The following MYBL2 variants were observed in gnomAD, a reference collection of about 807,000 sequenced individuals.
The protein encoded by MYBL2 is myb-related protein B.
A neutral mutation model predicts 79.9 loss-of-function variants in MYBL2; 28 were observed. The ratio of observed to expected loss-of-function variants is 0.35; its 90% CI spans 0.26 to 0.48. The LOEUF is 0.48. MYBL2 is among the 20% of genes least tolerant of loss of function. MYBL2 has a pLI of 0.99. For missense variants in MYBL2, 735 were observed against 893.9 expected (o/e 0.82, Z 2.27); for synonymous variants, 378 against 361.2 (o/e 1.05, Z -0.53).
chr20:43,671,831 A>C (rs888872921), intron 1 of MYBL2, among the ~76,000 whole-genome samples: 4 of 151,738 alleles, frequency 2.6e-5, no homozygotes, highest in Admixed American at 6.6e-5. Context: ...AGCAACTTGG[A>C]AGATTGCCTT....
At chr20:43,695,219 T>G (rs1257820250) in intron 6 of MYBL2, among the ~76,000 whole-genome samples, 3 of 151,948 alleles carry the variant, frequency 2.0e-5, no homozygotes, top group African/African-American at 7.3e-5. Context: ...TTTTGTATTT[T>G]TAGTAGAGAT....
chr20:43,692,401 A>G, intron 6 of MYBL2, 82 bp downstream of exon 6: 1 of 1,548,328 alleles, frequency 6.5e-7, no homozygotes, highest in Middle Eastern at 1.7e-4. Flanking sequence ...GTCCACAGCT[A>G]TTGGTCAGTT....
chr20:43,687,242 C>T (rs111426819), intron 5 of MYBL2, among the ~76,000 whole-genome samples, 170 bp downstream of exon 5: 4 of 152,260 alleles, frequency 2.6e-5, no homozygotes, highest in African/African-American at 7.2e-5. Flanking sequence ...AGGGTGGTTC[C>T]CCAGGGAAGG....
intron 2 of MYBL2, among the ~76,000 whole-genome samples, chr20:43,679,977 C>T (rs1289055806): frequency 1.3e-5 from 2 of 151,812 alleles, no homozygotes; most frequent in Admixed American, 6.6e-5. Context: ...TCCCACCCTC[C>T]AGCCCTTGGC....
chr20:43,692,301 C>T lies in MYBL2; in HGVS notation c.645C>T (p.Ala215=). Residue 215 remains alanine, a synonymous_variant, in exon 6 of 14, where the codon GCC becomes GCT. Transcript: ENST00000217026. ...AGGACAAGGACGGCCTCCAGAGTGC[C>T]CAGCCCACGGAAGGCCAGGTGAGAC... ...ELEDKDGLQS[A]QPTEGQGSLL... 1 of 1,614,144 alleles carries T rather than the reference C, an allele frequency of 6.2e-7. No individual in the cohort carries two copies. Among genetic ancestry groups the T allele is most frequent in the East Asian group, 2.2e-5 (1 of 44,890 alleles).
intron 2 of MYBL2, among the ~76,000 whole-genome samples, chr20:43,674,512 C>T (rs536579354): frequency 4.0e-5 from 6 of 151,790 alleles, no homozygotes; most frequent in Admixed American, 2.0e-4. Context: ...CTCAGCCTCC[C>T]GAGTAGCTGG....
In MYBL2 at chr20:43,699,779, C is replaced by T. The variant is rs773968660; in HGVS notation, c.686C>T (p.Pro229Leu). The stretch of plus-strand genomic sequence containing the variant: ...CAGGGAAGTCTTCTGACCAACTGGC[C>T]CTCCGTCCCTCCTACCATAAAGGAG... ...EGQGSLLTNWPSVPPTIKEEE... is the reference protein window; with the variant it reads ...EGQGSLLTNWLSVPPTIKEEE... The change falls in exon 7 of 14, where the codon CCC (proline) becomes CTC (leucine). Residue 229 changes from proline (P) to leucine (L), a missense_variant. Around this residue, in one of 5 missense-constraint regions of MYBL2, gnomAD observed 144 missense variants for 131.9 expected, o/e 1.09. Coordinates refer to ENST00000217026, the MANE Select transcript of MYBL2 (RefSeq NM_002466.4). The T allele has an allele frequency of 6.2e-7, 1 of 1,614,088 alleles. No homozygotes were observed. The highest frequency in any genetic ancestry group is 8.5e-7 in the Non-Finnish European group (1 of 1,180,028).
chr20:43,707,595 T>C (rs1302574809), intron 9 of MYBL2, among the ~76,000 whole-genome samples: 3 of 152,194 alleles, frequency 2.0e-5, no homozygotes, highest in Non-Finnish European at 4.4e-5. Context: ...GGTTTCGCCA[T>C]ATTGGCCAGG....
chr20:43,709,504 C>CAA lies in MYBL2; in HGVS notation c.1506-459_1506-458insAA, dbSNP rs879826885. Among the ~76,000 whole-genome samples, 86 of 152,318 alleles carry CAA rather than the reference C, an allele frequency of 5.6e-4. 1 individual carries two copies. The highest frequency in any genetic ancestry group is 3.4e-3 in the Admixed American group (52 of 15,302). ...GGTTCCCTCCACGTGTCCATCACCT[C>CAA]GGTGAACTCTTGGGAGACCTGGGAA... is the stretch of plus-strand genomic sequence containing the variant. On this transcript the variant is annotated intron_variant, in intron 9 of 13. Transcript: ENST00000217026.
chr20:43,705,684 T>C (rs1987765192), intron 9 of MYBL2, among the ~76,000 whole-genome samples: 2 of 145,888 alleles, frequency 1.4e-5, no homozygotes, highest in South Asian at 4.3e-4. Context: ...ATTTATTTAT[T>C]TATTTATTTA....
chr20:43,715,426 T>A, intron 13 of MYBL2, 143 bp downstream of exon 13: 1 of 1,375,472 alleles, frequency 7.3e-7, no homozygotes, highest in Non-Finnish European at 9.8e-7. Context: ...GCCTGGGTGC[T>A]TTTCCTGCTA....
intron 1 of MYBL2, among the ~76,000 whole-genome samples, chr20:43,668,847 C>T (rs990429109): frequency 1.3e-5 from 2 of 152,048 alleles, no homozygotes; most frequent in Non-Finnish European, 2.9e-5. Context: ...ACTATGGGCA[C>T]GGGCCGCCAC....
intron 8 of MYBL2, among the ~76,000 whole-genome samples, chr20:43,703,737 G>C (rs911754896): frequency 6.6e-6 from 1 of 152,136 alleles, no homozygotes; most frequent in African/African-American, 2.4e-5. Flanking sequence ...AGGCCACCCT[G>C]TCATCACGGG....
chr20:43,687,052 C>T lies in MYBL2; in HGVS notation c.480C>T (p.Ile160=), dbSNP rs540886931. ...HKVLGNRWAE[I]AKMLPGRTDN... is the part of the protein sequence containing the mutation. ...TGCTGGGCAACCGCTGGGCCGAGATCGCCAAGATGTTGCCAGGGAGGTAAG... is the reference window on the plus strand; with the variant it reads ...TGCTGGGCAACCGCTGGGCCGAGATTGCCAAGATGTTGCCAGGGAGGTAAG... The change falls in exon 5 of 14, where the codon ATC becomes ATT. Residue 160 remains isoleucine, a synonymous_variant. Transcript: ENST00000217026. The T allele has an allele frequency of 3.1e-5, 50 of 1,613,028 alleles. No individual in the cohort carries two copies. The highest frequency in any genetic ancestry group is 2.9e-4 in the East Asian group (13 of 44,866).
intron 5 of MYBL2, among the ~76,000 whole-genome samples, chr20:43,691,187 C>T (rs1600552700): frequency 1.3e-5 from 2 of 152,220 alleles, no homozygotes; most frequent in African/African-American, 2.4e-5. Context: ...CTGAGGTCAG[C>T]GTGAGACTCA....
chr20:43,704,513 G>A (rs924711327), intron 8 of MYBL2, among the ~76,000 whole-genome samples: 7 of 152,178 alleles, frequency 4.6e-5, no homozygotes, highest in Admixed American at 1.3e-4. Context: ...ATGATGGAGC[G>A]TGGTCGCTCT....
rs1987870410 is a variant in MYBL2, at chr20:43,709,999, C to T, written c.1542C>T (p.Asn514=). 1 of 1,609,264 alleles carries T rather than the reference C, an allele frequency of 6.2e-7. No individual in the cohort carries two copies. Among genetic ancestry groups the T allele is most frequent in the Non-Finnish European group, 8.5e-7 (1 of 1,177,804 alleles). Residue 514 remains asparagine (N), a synonymous_variant, in exon 10 of 14, where the codon AAC becomes AAT. Coordinates refer to ENST00000217026, the MANE Select transcript of MYBL2 (RefSeq NM_002466.4). ...CAGATCAGAAGTACTCCATGGACAA[C>T]ACTCCCCACACGCCAACCCCGTTCA... ...VTPDQKYSMD[N]TPHTPTPFKN... is the part of the protein sequence containing the mutation.
Position 43,670,960 on chromosome 20 carries a change from C to CTTTT in MYBL2, c.21-2841_21-2838dup, listed in dbSNP as rs766959084. The stretch of plus-strand genomic sequence containing the variant: ...TCTCTGGAGGTGGATCCTATGATTT[C>CTTTT]TTTTTTTTCTTTTTTTTTTTTTTTT... On this transcript the variant is annotated intron_variant, in intron 1 of 13. Transcript: ENST00000217026. Among the ~76,000 whole-genome samples the CTTTT allele has an allele frequency of 7.1e-4, 103 of 144,608 alleles. 1 individual carries two copies. The highest frequency in any genetic ancestry group is 2.3e-3 in the African/African-American group (86 of 37,368). The allele number at this position is 144,608 out of a possible 152,430, so 94.9% of individuals were successfully genotyped here.
chr20:43,712,200 G>A (rs933540894), intron 11 of MYBL2, among the ~76,000 whole-genome samples: 1 of 152,160 alleles, frequency 6.6e-6, no homozygotes, highest in Non-Finnish European at 1.5e-5. Flanking sequence ...CTCCCACTGC[G>A]TCGTTAGCTT....
Sources: allele counts gnomAD v4.1 joint callset (sites outside exome capture counted in the v4.1 genomes callset), GRCh38; gene constraint gnomAD v4.1.1; regional missense constraint gnomAD v4.1.1; transcripts MANE v1.5; gene names NCBI Gene and HGNC (gene_info 2026-07-23, HGNC 2026-07-21).